Variants in REDIC1 observed in about 807,000 individuals in gnomAD.
REDIC1 encodes the protein HEI10 Interacting Protein 1.
At chr12:39,896,366 A>ATGTATACATATG in the REDIC1 span, among the ~76,000 whole-genome samples, 33 of 141,396 alleles carry the variant, frequency 2.3e-4, 2 homozygotes, top group African/African-American at 7.2e-4. Context: ...ATGTGTATAT[A>ATGTATACATATG]TGTATACATA....
the REDIC1 span, among the ~76,000 whole-genome samples, chr12:39,879,931 C>T: frequency 6.6e-6 from 1 of 152,116 alleles, no homozygotes; most frequent in Non-Finnish European, 1.5e-5. Context: ...GATGTGAGGC[C>T]TGGTGGGTGT....
chr12:39,812,392 C>CTTT, the REDIC1 span, among the ~76,000 whole-genome samples: 5 of 111,736 alleles, frequency 4.5e-5, no homozygotes, highest in African/African-American at 1.2e-4. Context: ...CTTTCTTTCT[C>CTTT]TCTCTCTTTC....
chr12:39,697,997 G>T, the REDIC1 span, among the ~76,000 whole-genome samples: 5 of 152,098 alleles, frequency 3.3e-5, no homozygotes, highest in East Asian at 9.6e-4. Context: ...CCAATGATCT[G>T]TTGCCTATAA....
At chr12:39,702,013 C>G in the REDIC1 span, among the ~76,000 whole-genome samples, 2 of 152,048 alleles carry the variant, frequency 1.3e-5, no homozygotes, top group Non-Finnish European at 1.5e-5. Context: ...GACACCCTAA[C>G]ATCACAATTA....
chr12:39,717,333 T>C, the REDIC1 span, among the ~76,000 whole-genome samples: 2 of 151,886 alleles, frequency 1.3e-5, no homozygotes, highest in Non-Finnish European at 2.9e-5. Flanking sequence ...TTAACACATA[T>C]TTTGTATGTT....
the REDIC1 span, among the ~76,000 whole-genome samples, chr12:39,773,471 C>A: frequency 1.3e-5 from 2 of 152,150 alleles, no homozygotes; most frequent in Non-Finnish European, 2.9e-5. Context: ...CTCCCCTGCC[C>A]ACTCAACACC....
the REDIC1 span, among the ~76,000 whole-genome samples, chr12:39,792,208 T>G: frequency 8.9e-6 from 1 of 112,502 alleles, no homozygotes; most frequent in African/African-American, 3.4e-5. Flanking sequence ...TCCTTATACC[T>G]TATACAAAAA....
At chr12:39,780,184 C>A in the REDIC1 span, among the ~76,000 whole-genome samples, 1 of 150,898 alleles carries the variant, frequency 6.6e-6, no homozygotes, top group Non-Finnish European at 1.5e-5. Context: ...GCAATAGCAT[C>A]ATTATTCCCA....
the REDIC1 span, among the ~76,000 whole-genome samples, chr12:39,707,815 C>A: frequency 1.8e-3 from 271 of 151,748 alleles, no homozygotes; most frequent in African/African-American, 6.0e-3. Flanking sequence ...ACTTGCCTAA[C>A]TCCAGAAAAT....
chr12:39,660,854 T>C, the REDIC1 span, among the ~76,000 whole-genome samples: 1 of 152,130 alleles, frequency 6.6e-6, no homozygotes, highest in Non-Finnish European at 1.5e-5. Context: ...CTGGTAACTA[T>C]CATTCTACTC....
chr12:39,720,140 T>C, the REDIC1 span, among the ~76,000 whole-genome samples: 8 of 151,974 alleles, frequency 5.3e-5, no homozygotes, highest in Admixed American at 5.2e-4. Flanking sequence ...TAAAAAGTTC[T>C]TAAAAAAAGT....
chr12:39,730,835 A>C, the REDIC1 span, among the ~76,000 whole-genome samples: 6 of 152,142 alleles, frequency 3.9e-5, no homozygotes, highest in East Asian at 9.7e-4. Flanking sequence ...TATTTCTTGG[A>C]GGCTTTGTTC....
At chr12:39,757,564 TC>T in the REDIC1 span, 2 of 151,730 alleles carry the variant, frequency 1.3e-5, no homozygotes, top group African/African-American at 4.8e-5. Flanking sequence ...TATAAATAAT[TC>T]TTATACTGTG....
the REDIC1 span, among the ~76,000 whole-genome samples, chr12:39,778,217 T>C: frequency 6.6e-6 from 1 of 152,174 alleles, no homozygotes; most frequent in Non-Finnish European, 1.5e-5. Context: ...AACGTACTCA[T>C]TTTATAGAGG....
At chr12:39,727,236 C>A in the REDIC1 span, among the ~76,000 whole-genome samples, 4 of 152,068 alleles carry the variant, frequency 2.6e-5, no homozygotes, top group South Asian at 2.1e-4. Context: ...ATGCCTATGT[C>A]CTGAATGGTA....
chr12:39,856,358 CTTTAT>C, the REDIC1 span, among the ~76,000 whole-genome samples: 1 of 151,970 alleles, frequency 6.6e-6, no homozygotes, highest in Non-Finnish European at 1.5e-5. Flanking sequence ...CTTTGCTATG[CTTTAT>C]TTTATTTATT....
At chr12:39,695,754 A>T in the REDIC1 span, among the ~76,000 whole-genome samples, 2 of 152,178 alleles carry the variant, frequency 1.3e-5, no homozygotes, top group Non-Finnish European at 2.9e-5. Flanking sequence ...GCCTTGAGAA[A>T]GCATAGGCAG....
At chr12:39,818,629 G>A in the REDIC1 span, among the ~76,000 whole-genome samples, 8 of 152,130 alleles carry the variant, frequency 5.3e-5, no homozygotes, top group Admixed American at 2.6e-4. Flanking sequence ...TCTGTTTCAA[G>A]TGTGTCTAAC....
At chr12:39,891,125 T>C in the REDIC1 span, among the ~76,000 whole-genome samples, 1 of 151,050 alleles carries the variant, frequency 6.6e-6, no homozygotes, top group Non-Finnish European at 1.5e-5. Context: ...TATACCTTTT[T>C]TTTTTTAACA....
Sources: allele counts gnomAD v4.1 joint callset (sites outside exome capture counted in the v4.1 genomes callset), GRCh38; gene constraint gnomAD v4.1.1; transcripts MANE v1.5; gene names NCBI Gene and HGNC (gene_info 2026-07-23, HGNC 2026-07-21).